Variants in EYA2 observed in about 807,000 individuals in gnomAD.
EYA2 encodes EYA transcriptional coactivator and phosphatase 2, also known as protein phosphatase EYA2.
Under a neutral mutation model 69.2 loss-of-function variants are expected in EYA2, and 31 were observed. The ratio of observed to expected loss-of-function variants is 0.45; its 90% CI spans 0.34 to 0.60. The LOEUF is 0.60. Ranked by LOEUF, EYA2 falls within the 20% of genes least tolerant of loss-of-function variation. EYA2 has a pLI of 0.02. For synonymous variants in EYA2, 257 were observed against 279.4 expected (o/e 0.92, Z 0.80); for missense variants, 622 against 701.2 (o/e 0.89, Z 1.28).
intron 5 of EYA2, among the ~76,000 whole-genome samples, chr20:47,057,746 C>A (rs1042437320): frequency 6.6e-6 from 1 of 152,154 alleles, no homozygotes. Context: ...TTTGCACTGC[C>A]GGGGCTGGCA....
At chr20:46,973,982 T>C (rs1346166570) in intron 1 of EYA2, among the ~76,000 whole-genome samples, 1 of 152,198 alleles carries the variant, frequency 6.6e-6, no homozygotes, top group Admixed American at 6.5e-5. Flanking sequence ...CTGCTGTCAG[T>C]GGCAGATGGC....
At position 47,075,767 on chromosome 20, in the gene EYA2, C is replaced by T. The variant is rs575148630; in HGVS notation, c.661+1432C>T. On this transcript the variant is annotated intron_variant, in intron 7 of 15. Coordinates refer to ENST00000327619, the MANE Select transcript of EYA2 (RefSeq NM_005244.5). Reference sequence around the variant, plus strand: ...TTTGTTACATGGGTAAATTGCATGTCGTGGAGGTTTAGTGTACAGATAATT... The same window carrying T: ...TTTGTTACATGGGTAAATTGCATGTTGTGGAGGTTTAGTGTACAGATAATT... Among the ~76,000 whole-genome samples, 6 of 152,054 alleles carry T rather than the reference C, an allele frequency of 3.9e-5. No individual in the cohort carries two copies. The South Asian group carries it at 1.0e-3, about 26-fold the overall frequency.
At chr20:47,059,571 G>A (rs975703700) in intron 5 of EYA2, among the ~76,000 whole-genome samples, 11 of 152,170 alleles carry the variant, frequency 7.2e-5, no homozygotes, top group African/African-American at 1.2e-4. Flanking sequence ...GGCTGGTCTC[G>A]AACTCCTGAC....
At chr20:47,143,553 T>C (rs1407864785) in intron 10 of EYA2, among the ~76,000 whole-genome samples, 3 of 152,144 alleles carry the variant, frequency 2.0e-5, no homozygotes, top group African/African-American at 7.2e-5. Context: ...TGGAAGCTTT[T>C]AAAAACAATT....
At chr20:47,075,726 G>A (rs2031491335) in intron 7 of EYA2, among the ~76,000 whole-genome samples, 1 of 151,922 alleles carries the variant, frequency 6.6e-6, no homozygotes, top group African/African-American at 2.4e-5. Flanking sequence ...TTTTAGGTTT[G>A]GGGTACACAT....
intron 1 of EYA2, among the ~76,000 whole-genome samples, chr20:46,989,712 A>G (rs1300565493): frequency 1.3e-5 from 2 of 152,234 alleles, no homozygotes; most frequent in Admixed American, 6.5e-5. Context: ...CATTTATATG[A>G]CATTGAAGAG....
intron 7 of EYA2, among the ~76,000 whole-genome samples, chr20:47,085,305 T>A (rs2031859984): frequency 6.6e-6 from 1 of 152,074 alleles, no homozygotes; most frequent in South Asian, 2.1e-4. Context: ...GGCGAATGGA[T>A]AAACAAATTC....
intron 9 of EYA2, among the ~76,000 whole-genome samples, chr20:47,111,530 A>G (rs2146541058): frequency 6.6e-6 from 1 of 152,304 alleles, no homozygotes; most frequent in African/African-American, 2.4e-5. Flanking sequence ...AGGCAAGTCC[A>G]GGCTTTTCCT....
At chr20:47,090,306 C>G (rs71351656) in intron 8 of EYA2, among the ~76,000 whole-genome samples, 2 of 146,204 alleles carry the variant, frequency 1.4e-5, no homozygotes, top group Admixed American at 1.4e-4. Flanking sequence ...GTGGCACAAT[C>G]TCGGCTCACC....
chr20:46,928,696 C>T (rs979201038), intron 1 of EYA2, among the ~76,000 whole-genome samples: 3 of 152,192 alleles, frequency 2.0e-5, no homozygotes, highest in African/African-American at 4.8e-5. Flanking sequence ...CACACAGTGC[C>T]GGTGTGCAAA....
chr20:47,188,441 TGAG>T lies in EYA2; in HGVS notation c.*313_*315del. 1.8e-6 allele frequency: 1 copy of T among 560,330 alleles called. No individual in the cohort carries two copies. Among genetic ancestry groups the T allele is most frequent in the Non-Finnish European group, 3.2e-6 (1 of 315,652 alleles). 34.7% of individuals were successfully genotyped at this position (560,330 alleles called of 1,614,324 possible). A position where few individuals can be genotyped will look rare whatever the true frequency, so the allele number is the denominator to read the frequency against. ...TGCTGATTTGGGGGGTGCCTGGTGA[TGAG>T]GAGGGGATGGGTTTGTCTTGTCTTC... On this transcript the variant is annotated 3_prime_UTR_variant, in exon 16 of 16. Transcript: ENST00000327619.
chr20:47,057,136 AGGG>A (rs113663418), intron 5 of EYA2, among the ~76,000 whole-genome samples: 1 of 124,522 alleles, frequency 8.0e-6, no homozygotes, highest in East Asian at 2.3e-4. Flanking sequence ...GACAGGAAGG[AGGG>A]AGGAAGGAAG....
intron 2 of EYA2, among the ~76,000 whole-genome samples, chr20:46,997,443 G>A (rs1414835646): frequency 1.3e-5 from 2 of 152,182 alleles, no homozygotes; most frequent in Non-Finnish European, 2.9e-5. Flanking sequence ...AGCTTGGGAA[G>A]TAGAGGAGGC....
At chr20:47,113,759 AC>A (rs1352678512) in intron 9 of EYA2, among the ~76,000 whole-genome samples, 1 of 152,028 alleles carries the variant, frequency 6.6e-6, no homozygotes, top group South Asian at 2.1e-4. Context: ...CTTAAGGGAA[AC>A]CCACTCTCCT....
intron 9 of EYA2, among the ~76,000 whole-genome samples, chr20:47,110,020 C>T (rs565544506): frequency 4.6e-5 from 7 of 152,312 alleles, no homozygotes; most frequent in South Asian, 4.1e-4. Context: ...TCCTCAGCTC[C>T]GCATCAGCAC....
intron 1 of EYA2, among the ~76,000 whole-genome samples, chr20:46,926,067 A>G (rs1464016235): frequency 6.6e-6 from 1 of 152,198 alleles, no homozygotes; most frequent in Non-Finnish European, 1.5e-5. Flanking sequence ...GCATGCTACT[A>G]TTCGTTTAAG....
At chr20:47,087,925 C>T (rs1375299653) in intron 7 of EYA2, among the ~76,000 whole-genome samples, 2 of 152,236 alleles carry the variant, frequency 1.3e-5, no homozygotes, top group Non-Finnish European at 2.9e-5. Flanking sequence ...GCTTAAAAGG[C>T]TTGCATTTAA....
At chr20:46,924,430 G>A (rs1985312641) in intron 1 of EYA2, among the ~76,000 whole-genome samples, 2 of 152,276 alleles carry the variant, frequency 1.3e-5, no homozygotes, top group African/African-American at 4.8e-5. Context: ...CAGCACTTTG[G>A]GAGGCCGAGG....
intron 1 of EYA2, among the ~76,000 whole-genome samples, chr20:46,965,248 T>C (rs1979702956): frequency 6.6e-6 from 1 of 152,236 alleles, no homozygotes; most frequent in African/African-American, 2.4e-5. Flanking sequence ...GGGCCAAGGC[T>C]GGAGTTCAAA....
Sources: allele counts gnomAD v4.1 joint callset (sites outside exome capture counted in the v4.1 genomes callset), GRCh38; gene constraint gnomAD v4.1.1; transcripts MANE v1.5; gene names NCBI Gene and HGNC (gene_info 2026-07-23, HGNC 2026-07-21).